The following CNTN3 variants were observed in gnomAD, a reference collection of about 807,000 sequenced individuals.
The protein encoded by CNTN3 is contactin-3.
A neutral mutation model predicts 119.1 loss-of-function variants in CNTN3; 60 were observed. The ratio of observed to expected loss-of-function variants is 0.50; its 90% CI spans 0.41 to 0.62. The LOEUF is 0.62. Ranked by LOEUF, CNTN3 falls within the 20% of genes least tolerant of loss-of-function variation. The probability of loss-of-function intolerance (pLI) is 0.00; values close to 1 mark genes in which losing one functional copy is unlikely to be tolerated. For synonymous variants in CNTN3, 450 were observed against 438.7 expected (o/e 1.03, Z -0.32); for missense variants, 1,101 against 1,242.4 (o/e 0.89, Z 1.71).
chr3:74,458,819 G>A (rs1287878522), intron 4 of CNTN3, among the ~76,000 whole-genome samples: 1 of 151,958 alleles, frequency 6.6e-6, no homozygotes, highest in Non-Finnish European at 1.5e-5. Flanking sequence ...TGGTGTGAAT[G>A]TTTACATATA....
intron 5 of CNTN3, among the ~76,000 whole-genome samples, chr3:74,421,701 G>A (rs1701618963): frequency 6.6e-6 from 1 of 152,124 alleles, no homozygotes; most frequent in Admixed American, 6.5e-5. Flanking sequence ...TGTCCTGCAG[G>A]GACTGTGCGA....
chr3:74,283,437 T>C (rs1433570623), intron 20 of CNTN3, among the ~76,000 whole-genome samples: 2 of 152,190 alleles, frequency 1.3e-5, no homozygotes, highest in Admixed American at 6.5e-5. Flanking sequence ...GGCGTTTATA[T>C]GCTATCCCTA....
At chr3:74,538,879 C>G (rs1303388920) in intron 1 of CNTN3, among the ~76,000 whole-genome samples, 2 of 152,026 alleles carry the variant, frequency 1.3e-5, no homozygotes, top group Non-Finnish European at 2.9e-5. Context: ...TGATATTTAG[C>G]CCAGGTGTAC....
chr3:74,545,981 T>C (rs1054818403), intron 1 of CNTN3, among the ~76,000 whole-genome samples: 1 of 152,152 alleles, frequency 6.6e-6, no homozygotes, highest in Non-Finnish European at 1.5e-5. Context: ...GTTTCATTTC[T>C]TGAACTTTTT....
intron 1 of CNTN3, among the ~76,000 whole-genome samples, chr3:74,608,660 A>C (rs1255351605): frequency 6.6e-6 from 1 of 152,172 alleles, no homozygotes; most frequent in Non-Finnish European, 1.5e-5. Flanking sequence ...ATCTTTATAC[A>C]CTAAAATAAA....
At chr3:74,558,093 C>G (rs1017215183) in intron 1 of CNTN3, among the ~76,000 whole-genome samples, 2 of 152,134 alleles carry the variant, frequency 1.3e-5, no homozygotes, top group African/African-American at 4.8e-5. Flanking sequence ...TTGTATCTCC[C>G]TCTTTAGGGA....
chr3:74,331,309 G>A (rs985387404), intron 13 of CNTN3, among the ~76,000 whole-genome samples: 2 of 152,098 alleles, frequency 1.3e-5, no homozygotes, highest in African/African-American at 2.4e-5. Context: ...ACAGCATTCA[G>A]GGCAGTGGCA....
At chr3:74,596,259 A>T (rs541849984) in intron 1 of CNTN3, among the ~76,000 whole-genome samples, 44 of 152,106 alleles carry the variant, frequency 2.9e-4, no homozygotes, top group Middle Eastern at 3.4e-3. Flanking sequence ...TGGCCATACT[A>T]CCCAAGGTAA....
chr3:74,497,831 T>C (rs1019692197), intron 3 of CNTN3, among the ~76,000 whole-genome samples: 6 of 151,784 alleles, frequency 4.0e-5, no homozygotes, highest in African/African-American at 1.4e-4. Flanking sequence ...ATGCAAACAG[T>C]GAAACTTCTT....
At chr3:74,507,161 A>G (rs1181766823) in intron 2 of CNTN3, among the ~76,000 whole-genome samples, 1 of 152,186 alleles carries the variant, frequency 6.6e-6, no homozygotes, top group Non-Finnish European at 1.5e-5. Context: ...GCTCACATCT[A>G]TAATCACAGC....
rs575796079 is a variant in CNTN3, at chr3:74,371,347, A to G, written c.507T>C (p.Asp169=). The G allele has an allele frequency of 7.4e-6, 12 of 1,613,490 alleles. No homozygotes were observed. Among genetic ancestry groups the G allele is most frequent in the Non-Finnish European group, 1.0e-5 (12 of 1,179,628 alleles). ...FNEYPSFVEE[D]SRRFVSQETG... is the part of the protein sequence containing the mutation. ...TCTCCTGGGAGACAAATCTCCGACT[A>G]TCTTCTTCAACAAACGATGGGTATT... is the stretch of plus-strand genomic sequence containing the variant. Residue 169 remains aspartate (D), a synonymous_variant, in exon 6 of 23, where the codon GAT becomes GAC. Coordinates refer to ENST00000263665, the MANE Select transcript of CNTN3 (RefSeq NM_020872.3).
rs929217734 is a variant in CNTN3, at chr3:74,295,249, A to C, written c.2402-13T>G. On this transcript the variant is annotated splice_polypyrimidine_tract_variant and intron_variant, in intron 18 of 22. Transcript: ENST00000263665. The stretch of plus-strand genomic sequence containing the variant: ...GCCACTGTAGGCTCTGTTCGGAAAC[A>C]GAAATTGAAATATGATGATAATTTT... 3 of 1,420,186 alleles carry C rather than the reference A, an allele frequency of 2.1e-6. No individual in the cohort carries two copies. The highest frequency in any genetic ancestry group is 3.6e-5 in the Admixed American group (2 of 55,886). 88.0% of individuals were successfully genotyped at this position (1,420,186 alleles called of 1,614,324 possible). A position where few individuals can be genotyped will look rare whatever the true frequency, so the allele number is the denominator to read the frequency against.
intron 5 of CNTN3, among the ~76,000 whole-genome samples, chr3:74,402,896 G>A (rs978526406): frequency 2.0e-5 from 3 of 152,154 alleles, no homozygotes; most frequent in Admixed American, 2.0e-4. Flanking sequence ...ACGGCAGAGG[G>A]AACAGCTAAT....
At chr3:74,566,311 C>T (rs978777737) in intron 1 of CNTN3, among the ~76,000 whole-genome samples, 1 of 152,172 alleles carries the variant, frequency 6.6e-6, no homozygotes, top group Non-Finnish European at 1.5e-5. Context: ...AGGCCACCTT[C>T]GCTTTGAAGG....
At chr3:74,357,349 T>A (rs1369809672) in intron 11 of CNTN3, among the ~76,000 whole-genome samples, 1 of 152,106 alleles carries the variant, frequency 6.6e-6, no homozygotes, top group Non-Finnish European at 1.5e-5. Context: ...AGTGGTGCAA[T>A]CTCGGCTCAA....
At chr3:74,353,225 G>A (rs907387151) in intron 11 of CNTN3, among the ~76,000 whole-genome samples, 8 of 152,162 alleles carry the variant, frequency 5.3e-5, no homozygotes, top group Non-Finnish European at 1.0e-4. Flanking sequence ...TTATCAAAGC[G>A]AGGCTGTGGC....
In CNTN3 at chr3:74,315,026, C is replaced by G. The variant is rs556457105; in HGVS notation, c.1669-12219G>C. Among the ~76,000 whole-genome samples, 324 of 152,274 alleles carry G rather than the reference C, an allele frequency of 2.1e-3. 3 individuals carry two copies. The highest frequency in any genetic ancestry group is 7.4e-3 in the African/African-American group (309 of 41,562). On this transcript the variant is annotated intron_variant, in intron 13 of 22. Transcript: ENST00000263665. ...AACAAAAATGTAGTAAAGAAGCCAG[C>G]TGAAACCTATCAAAATCAAGATGCC...
intron 5 of CNTN3, among the ~76,000 whole-genome samples, chr3:74,411,764 C>G (rs184025725): frequency 6.6e-6 from 1 of 152,042 alleles, no homozygotes; most frequent in East Asian, 1.9e-4. Context: ...ACGTTATCAA[C>G]CCATCAATTA....
chr3:74,499,032 T>G (rs1005324200), intron 3 of CNTN3, among the ~76,000 whole-genome samples: 1 of 150,748 alleles, frequency 6.6e-6, no homozygotes, highest in African/African-American at 2.4e-5. Flanking sequence ...AATATCAATA[T>G]TTTTTTCTTA....
Sources: allele counts gnomAD v4.1 joint callset (sites outside exome capture counted in the v4.1 genomes callset), GRCh38; gene constraint gnomAD v4.1.1; transcripts MANE v1.5; gene names NCBI Gene and HGNC (gene_info 2026-07-23, HGNC 2026-07-21).